Variants in SLC36A2 observed in about 807,000 individuals in gnomAD.
The protein encoded by SLC36A2 is proton-coupled amino acid transporter 2.
Under a neutral mutation model 42.7 loss-of-function variants are expected in SLC36A2, and 39 were observed. That is an observed-to-expected ratio of 0.91 (90% CI 0.71 to 1.19). The LOEUF (loss-of-function observed/expected upper bound fraction) is 1.19, where lower values mean the gene tolerates loss of function less well. SLC36A2 is among the 50% of genes most tolerant of loss of function. The pLI, the probability that SLC36A2 is intolerant of heterozygous loss-of-function variation, is 0.00. For synonymous variants in SLC36A2, 237 were observed against 240.8 expected (o/e 0.98, Z 0.15); for missense variants, 590 against 613.7 (o/e 0.96, Z 0.41).
At chr5:151,333,363 G>C in intron 6 of SLC36A2, 41 bp from the exon 7 acceptor site, 1 of 1,509,474 alleles carries the variant, frequency 6.6e-7, no homozygotes, top group South Asian at 1.1e-5. Context: ...CACTCTTAAA[G>C]CACATTTGAG....
intron 9 of SLC36A2, 134 bp from the exon 10 acceptor site, chr5:151,317,222 TG>T (rs2127281680): frequency 8.8e-7 from 1 of 1,139,676 alleles, no homozygotes; most frequent in African/African-American, 1.5e-5. Flanking sequence ...GAGGCCTAGA[TG>T]GGTGGATCAC....
chr5:151,321,833 A>G, intron 9 of SLC36A2: 1 of 531,532 alleles, frequency 1.9e-6, no homozygotes, highest in Non-Finnish European at 3.5e-6. Flanking sequence ...ACGTGCCACC[A>G]CGCCTGGTTA....
chr5:151,317,238 G>A lies in SLC36A2; in HGVS notation c.1181-150C>T, dbSNP rs1047156821. The A allele has an allele frequency of 3.1e-5, 31 of 1,004,542 alleles. No homozygotes were observed. In the African/African-American group the frequency reaches 4.8e-4, roughly 16 times the overall value. The allele number at this position is 1,004,542 out of a possible 1,614,324, so 62.2% of individuals were successfully genotyped here. A position where few individuals can be genotyped will look rare whatever the true frequency, so the allele number is the denominator to read the frequency against. On this transcript the variant is annotated intron_variant, in intron 9 of 9. Coordinates refer to ENST00000335244, the MANE Select transcript of SLC36A2 (RefSeq NM_181776.3). ...AGGCCTAGATGGGTGGATCACTGAAGGTTGGGAGTTCAAGACCAGCCTGTC... is the reference window on the plus strand; with the variant it reads ...AGGCCTAGATGGGTGGATCACTGAAAGTTGGGAGTTCAAGACCAGCCTGTC...
chr5:151,317,211 G>GGA (rs2127281676), intron 9 of SLC36A2, 123 bp from the exon 10 acceptor site: 2 of 1,309,900 alleles, frequency 1.5e-6, no homozygotes, highest in South Asian at 2.7e-5. Flanking sequence ...CAGCACTTTG[G>GGA]GAGGCCTAGA....
intron 8 of SLC36A2, among the ~76,000 whole-genome samples, chr5:151,324,695 G>A (rs988260620): frequency 2.0e-5 from 3 of 152,120 alleles, no homozygotes; most frequent in Non-Finnish European, 4.4e-5. Flanking sequence ...GAGTGCAGTG[G>A]TGTGATGATA....
In SLC36A2 at chr5:151,323,944, T is replaced by G. The variant is rs112360332; in HGVS notation, c.1010+1342A>C. On this transcript the variant is annotated intron_variant, in intron 8 of 9. Coordinates refer to ENST00000335244, the MANE Select transcript of SLC36A2 (RefSeq NM_181776.3). ...AATTAGGTCTCCAAGGGACTGTGAC[T>G]GTCCGCTTGAGAAGACCGAAATGTC... is the stretch of plus-strand genomic sequence containing the variant. Among the ~76,000 whole-genome samples the G allele has an allele frequency of 4.5e-3, 692 of 152,322 alleles. 5 individuals are homozygous for G. The highest frequency in any genetic ancestry group is 0.016 in the African/African-American group (652 of 41,560).
intron 3 of SLC36A2, 122 bp downstream of exon 3, chr5:151,343,388 C>T (rs192327615): frequency 9.6e-7 from 1 of 1,039,830 alleles, no homozygotes; most frequent in African/African-American, 1.6e-5. Flanking sequence ...ATGCTCTTCA[C>T]TCTTTCTTGG....
intron 3 of SLC36A2, among the ~76,000 whole-genome samples, 156 bp downstream of exon 3, chr5:151,343,354 C>G (rs1403042178): frequency 6.6e-6 from 1 of 152,192 alleles, no homozygotes. Context: ...GCAGAAGAGC[C>G]TCACCTGAGC....
intron 7 of SLC36A2, chr5:151,332,623 A>G (rs530982143): frequency 7.7e-5 from 24 of 310,106 alleles, no homozygotes; most frequent in Non-Finnish European, 1.5e-4. Flanking sequence ...AATCTCATAC[A>G]TACTGTATGA....
In SLC36A2 at chr5:151,342,884, T is replaced by C; in HGVS notation, c.440+4A>G. The C allele has an allele frequency of 6.2e-7, 1 of 1,613,752 alleles. No homozygotes were observed. On this transcript the variant is annotated splice_donor_region_variant and intron_variant, in intron 4 of 9. Transcript: ENST00000335244. ...CCACTGCAGGCAAAGCAAGAACAGG[T>C]TACCTTCCCCAGTGAGCGTGATTCT...
At chr5:151,327,679 C>A (rs1755890209) in intron 7 of SLC36A2, among the ~76,000 whole-genome samples, 1 of 152,130 alleles carries the variant, frequency 6.6e-6, no homozygotes, top group Non-Finnish European at 1.5e-5. Flanking sequence ...CACAATTTTG[C>A]TGCATATATT....
chr5:151,334,402 G>T (rs1756086737), intron 6 of SLC36A2, among the ~76,000 whole-genome samples: 1 of 151,416 alleles, frequency 6.6e-6, no homozygotes, highest in Non-Finnish European at 1.5e-5. Flanking sequence ...TATAAAAGAA[G>T]AATTAGGCTG....
At chr5:151,344,145 C>T in intron 2 of SLC36A2, 32 bp downstream of exon 2, 1 of 1,601,398 alleles carries the variant, frequency 6.2e-7, no homozygotes, top group South Asian at 1.1e-5. Context: ...TGCAACTGAC[C>T]ATAAAGCCCC....
Position 151,343,539 on chromosome 5 carries a change from C to T in SLC36A2, c.315G>A (p.Leu105=), listed in dbSNP as rs1409524138. The T allele has an allele frequency of 1.2e-6, 2 of 1,614,138 alleles. No individual in the cohort carries two copies. The highest frequency in any genetic ancestry group is 2.2e-5 in the East Asian group (1 of 44,874). The part of the protein sequence containing the change: ...GFIACHCMHI[L]VKCAQRFCKR... Reference sequence around the variant, plus strand: ...TACAGAAGCGCTGGGCACACTTGACCAGGATGTGCATACAGTGGCAGGCAA... The same window carrying T: ...TACAGAAGCGCTGGGCACACTTGACTAGGATGTGCATACAGTGGCAGGCAA... Residue 105 remains leucine (L), a synonymous_variant, in exon 3 of 10, where the codon CTG becomes CTA. Transcript: ENST00000335244.
chr5:151,334,398 A>C (rs1756086582), intron 6 of SLC36A2, among the ~76,000 whole-genome samples: 1 of 151,708 alleles, frequency 6.6e-6, no homozygotes, highest in Non-Finnish European at 1.5e-5. Flanking sequence ...CTATTATAAA[A>C]GAAGAATTAG....
At chr5:151,329,115 C>T (rs2127291270) in intron 7 of SLC36A2, among the ~76,000 whole-genome samples, 1 of 152,328 alleles carries the variant, frequency 6.6e-6, no homozygotes, top group Middle Eastern at 3.4e-3. Flanking sequence ...CAGCCCTGAG[C>T]TGTACATATG....
chr5:151,334,462 G>T (rs1475264030), intron 6 of SLC36A2, among the ~76,000 whole-genome samples: 1 of 151,810 alleles, frequency 6.6e-6, no homozygotes. Flanking sequence ...GGGCCAAGGC[G>T]GGGGGATCAC....
chr5:151,317,880 A>G (rs753213421), intron 9 of SLC36A2, among the ~76,000 whole-genome samples: 35 of 152,246 alleles, frequency 2.3e-4, no homozygotes, highest in Admixed American at 9.8e-4. Flanking sequence ...CAAAGTGTAT[A>G]TATAAGCTCC....
At chr5:151,319,171 TTA>T in intron 9 of SLC36A2, 1 of 965,810 alleles carries the variant, frequency 1.0e-6, no homozygotes, top group Non-Finnish European at 1.2e-6. Context: ...TTCAGAAAAG[TTA>T]TCTTTGCTAT....
Sources: gnomAD v4.1 joint callset for allele counts (sites outside exome capture counted in the v4.1 genomes callset) on GRCh38, gnomAD v4.1.1 for gene constraint, MANE v1.5 for transcripts, NCBI Gene and HGNC (gene_info 2026-07-23, HGNC 2026-07-21) for gene names.